The following COL14A1 variants were observed in gnomAD, a reference collection of about 807,000 sequenced individuals.
The protein encoded by COL14A1 is collagen type XIV alpha 1 chain.
A neutral mutation model predicts 230.3 loss-of-function variants in COL14A1; 136 were observed. That is an observed-to-expected ratio of 0.59 (90% CI 0.51 to 0.68). The LOEUF (loss-of-function observed/expected upper bound fraction) is 0.68. Among genes scored for constraint, COL14A1 ranks in the 30% least tolerant of loss-of-function variants. The probability of loss-of-function intolerance (pLI) is 0.00; values close to 1 mark genes in which losing one functional copy is unlikely to be tolerated. For missense variants in COL14A1, 1,976 were observed against 2,215.8 expected (o/e 0.89, Z 2.17); for synonymous variants, 792 against 784.1 (o/e 1.01, Z -0.17).
chr8:120,164,236 C>A (rs1217724959), intron 4 of COL14A1, among the ~76,000 whole-genome samples: 2 of 152,126 alleles, frequency 1.3e-5, no homozygotes, highest in Non-Finnish European at 2.9e-5. Flanking sequence ...TCTTTCAAAC[C>A]CTTTGCCTTA....
intron 15 of COL14A1, 137 bp from the exon 16 acceptor site, chr8:120,226,490 C>T: frequency 1.3e-6 from 1 of 742,410 alleles, no homozygotes; most frequent in Non-Finnish European, 2.1e-6. Flanking sequence ...ACTGATGGGC[C>T]CCAGTTTTCC....
rs749127282 is a variant in COL14A1, at chr8:120,315,599, T to C, written c.4605+13T>C. The stretch of plus-strand genomic sequence containing the variant: ...TCCAGGTCCACAGGTATTATTTTTG[T>C]TTTTTAAGTCTATTGCTCTCAGTCT... On this transcript the variant is annotated intron_variant, in intron 39 of 47. Coordinates refer to ENST00000297848, the MANE Select transcript of COL14A1 (RefSeq NM_021110.4). 2 of 1,609,990 alleles carry C rather than the reference T, an allele frequency of 1.2e-6. No individual in the cohort carries two copies. The highest frequency in any genetic ancestry group is 2.2e-5 in the East Asian group (1 of 44,804).
intron 14 of COL14A1, among the ~76,000 whole-genome samples, chr8:120,224,830 C>G (rs557755172): frequency 1.0e-3 from 156 of 152,228 alleles, no homozygotes; most frequent in African/African-American, 3.5e-3. Flanking sequence ...TTTATGTCTG[C>G]CTCTTAAGTT....
In COL14A1 at chr8:120,277,827, G is replaced by A. The variant is rs371371383; in HGVS notation, c.3214-284G>A. 46 of 180,166 alleles carry A rather than the reference G, an allele frequency of 2.6e-4. No individual in the cohort carries two copies. In the East Asian group the frequency reaches 4.0e-3, roughly 16 times the overall value. 11.2% of individuals were successfully genotyped at this position (180,166 alleles called of 1,614,324 possible). The stretch of plus-strand genomic sequence containing the variant: ...TGGGAACTATGCTCACTACCTGGGG[G>A]ACAGAATCATTTGTACACCACCTCT... On this transcript the variant is annotated intron_variant, in intron 26 of 47. Transcript: ENST00000297848.
chr8:120,250,728 C>T lies in COL14A1; in HGVS notation c.2714C>T (p.Ser905Leu), dbSNP rs1818914665. ...GTGAAGATATTTGCCTCCCAGGCCT[C>T]AGGCTTCAGCGACGCCCTGACAGGC... ...YNVKIFASQA[S>L]GFSDALTGMV... Residue 905 changes from serine to leucine, a missense_variant, in exon 22 of 48, where the codon TCA becomes TTA. Around this residue, in one of 3 missense-constraint regions of COL14A1, gnomAD observed 1,791 missense variants for 2,019.5 expected, o/e 0.89. Transcript: ENST00000297848. 6.2e-7 allele frequency: 1 copy of T among 1,614,232 alleles called. No individual in the cohort carries two copies. Among genetic ancestry groups the T allele is most frequent in the Non-Finnish European group, 8.5e-7 (1 of 1,180,050 alleles).
At chr8:120,325,393 C>T (rs1821623542) in intron 40 of COL14A1, among the ~76,000 whole-genome samples, 1 of 152,118 alleles carries the variant, frequency 6.6e-6, no homozygotes, top group African/African-American at 2.4e-5. Context: ...AAAAGTCAGC[C>T]TAAGTGAATT....
At chr8:120,190,235 G>A (rs898352020) in intron 5 of COL14A1, among the ~76,000 whole-genome samples, 26 of 152,160 alleles carry the variant, frequency 1.7e-4, no homozygotes, top group Non-Finnish European at 3.1e-4. Context: ...CTGATGGCCA[G>A]TGATGGTGAG....
At chr8:120,244,161 A>G (rs1818696375) in intron 20 of COL14A1, among the ~76,000 whole-genome samples, 153 bp downstream of exon 20, 1 of 152,306 alleles carries the variant, frequency 6.6e-6, no homozygotes, top group South Asian at 2.1e-4. Flanking sequence ...CTTTACACAC[A>G]CAAGCTATGT....
rs113597726 is a variant in COL14A1 at position 120,318,494 on chromosome 8, A to G, written c.4659+2497A>G. Reference sequence around the variant, plus strand: ...ACTGATCTGAGGGCTTAAGGATAGTAAAGTTCTAACACAGTTAGATATTAA... The same window carrying G: ...ACTGATCTGAGGGCTTAAGGATAGTGAAGTTCTAACACAGTTAGATATTAA... On this transcript the variant is annotated intron_variant, in intron 40 of 47. Coordinates refer to ENST00000297848, the MANE Select transcript of COL14A1 (RefSeq NM_021110.4). Among the ~76,000 whole-genome samples the G allele has an allele frequency of 5.6e-4, 85 of 152,304 alleles. 1 individual carries two copies. Among genetic ancestry groups the G allele is most frequent in the African/African-American group, 1.9e-3 (79 of 41,574 alleles).
chr8:120,370,928 T>C, intron 47 of COL14A1: 3 of 1,175,266 alleles, frequency 2.6e-6, no homozygotes, highest in Non-Finnish European at 2.3e-6. Flanking sequence ...TGGTTGGTTA[T>C]GATTCTAGTT....
At chr8:120,359,122 A>T (rs1405315943) in intron 45 of COL14A1, among the ~76,000 whole-genome samples, 1 of 151,712 alleles carries the variant, frequency 6.6e-6, no homozygotes, top group East Asian at 1.9e-4. Flanking sequence ...GGTTTGTTAC[A>T]CAGGTATACA....
At chr8:120,154,937 C>T (rs1247748393) in intron 2 of COL14A1, among the ~76,000 whole-genome samples, 1 of 152,184 alleles carries the variant, frequency 6.6e-6, no homozygotes, top group African/African-American at 2.4e-5. Context: ...CTTGCTTTGG[C>T]TCCAGTCCCA....
intron 44 of COL14A1, among the ~76,000 whole-genome samples, chr8:120,344,619 G>C (rs1380559944): frequency 1.3e-5 from 2 of 152,174 alleles, no homozygotes; most frequent in Admixed American, 6.5e-5. Flanking sequence ...ATTTTAGAGT[G>C]AATTCCTTGA....
intron 40 of COL14A1, among the ~76,000 whole-genome samples, chr8:120,317,504 A>G (rs1821276122): frequency 6.6e-6 from 1 of 152,204 alleles, no homozygotes; most frequent in Non-Finnish European, 1.5e-5. Flanking sequence ...GTACATGTGG[A>G]AGCAGCATCT....
intron 5 of COL14A1, among the ~76,000 whole-genome samples, chr8:120,186,753 ATG>A (rs1816667036): frequency 6.6e-6 from 1 of 152,228 alleles, no homozygotes; most frequent in African/African-American, 2.4e-5. Flanking sequence ...AGTGTGAACT[ATG>A]TGAACAGAGG....
chr8:120,336,077 A>G (rs1417377822), intron 42 of COL14A1, among the ~76,000 whole-genome samples: 1 of 152,212 alleles, frequency 6.6e-6, no homozygotes, highest in African/African-American at 2.4e-5. Context: ...CAATACATGT[A>G]AGATTACATG....
intron 36 of COL14A1, among the ~76,000 whole-genome samples, chr8:120,307,703 G>GAA (rs1820895821): frequency 1.3e-5 from 2 of 152,042 alleles, no homozygotes; most frequent in African/African-American, 4.8e-5. Flanking sequence ...ATGAAAATTA[G>GAA]AACAAGAATA....
At chr8:120,147,993 AT>A in intron 2 of COL14A1, 63 bp downstream of exon 2, 1 of 1,138,218 alleles carries the variant, frequency 8.8e-7, no homozygotes, top group South Asian at 1.3e-5. Flanking sequence ...TCTGATTATC[AT>A]TTTATTTTAT....
chr8:120,143,050 T>C (rs1814965014), intron 1 of COL14A1, among the ~76,000 whole-genome samples: 1 of 152,242 alleles, frequency 6.6e-6, no homozygotes. Flanking sequence ...GAAAGCTATA[T>C]TAATCTACCC....
Sources: allele counts gnomAD v4.1 joint callset (sites outside exome capture counted in the v4.1 genomes callset), GRCh38; gene constraint gnomAD v4.1.1; regional missense constraint gnomAD v4.1.1; transcripts MANE v1.5; gene names NCBI Gene and HGNC (gene_info 2026-07-23, HGNC 2026-07-21).